The following CYBB variants were observed in gnomAD, a reference collection of about 807,000 sequenced individuals.
CYBB encodes the protein cytochrome b-245 beta chain.
Under a neutral mutation model 46.5 loss-of-function variants are expected in CYBB, and 5 were observed. The observed-to-expected ratio is 0.11, with a 90% CI of 0.06 to 0.23. CYBB has a LOEUF of 0.23. Ranked by LOEUF, CYBB falls within the 10% of genes least tolerant of loss-of-function variation. The pLI, the probability that CYBB is intolerant of heterozygous loss-of-function variation, is 1.00. For synonymous variants in CYBB, 183 were observed against 156.7 expected, an observed-to-expected ratio of 1.17 and a Z score of -1.26; for missense variants, 307 against 428.3, an observed-to-expected ratio of 0.72 and a Z score of 2.50.
Position 37,799,097 on chromosome X carries a change from C to A in CYBB, c.804+13C>A. Reference sequence around the variant, plus strand: ...AAACCCTCCTATGGTATGTACAATTCATTGTTGTTATTACAGTTTCATTAC... The same window carrying A: ...AAACCCTCCTATGGTATGTACAATTAATTGTTGTTATTACAGTTTCATTAC... On this transcript the variant is annotated intron_variant, in intron 7 of 12. Transcript: ENST00000378588. 1.7e-6 allele frequency: 2 copies of A among 1,198,772 alleles called. No individual in the cohort carries two copies. The highest frequency in any genetic ancestry group is 2.3e-4 in the Middle Eastern group (1 of 4,320).
At chrX:37,807,632 T>C (rs1186219391) in intron 11 of CYBB, among the ~76,000 whole-genome samples, 2 of 111,085 alleles carry the variant, frequency 1.8e-5, no homozygotes, top group Non-Finnish European at 3.8e-5. Flanking sequence ...AGACAGAATG[T>C]GCCAGAGCCT....
chrX:37,799,399 G>A (rs1929390515), intron 7 of CYBB, among the ~76,000 whole-genome samples: 2 of 111,600 alleles, frequency 1.8e-5, no homozygotes, highest in East Asian at 5.6e-4. Context: ...TTTTTAGGGG[G>A]ACACTTGGGA....
intron 3 of CYBB, among the ~76,000 whole-genome samples, chrX:37,789,937 A>G (rs1303457960): frequency 1.8e-5 from 2 of 111,184 alleles, no homozygotes; most frequent in East Asian, 5.7e-4. Flanking sequence ...TGCAAGCATC[A>G]TTCACTCTCT....
At position 37,810,997 on chromosome X, in the gene CYBB, C is replaced by T; in HGVS notation, c.*80C>T. ...ATGCTAATTGATAATATAAATACCC[C>T]CTGCTTAAAAATGGACAAAAAGAAA... On this transcript the variant is annotated 3_prime_UTR_variant, in exon 13 of 13. Coordinates refer to ENST00000378588, the MANE Select transcript of CYBB (RefSeq NM_000397.4). 6 of 956,595 alleles carry T rather than the reference C, an allele frequency of 6.3e-6. No homozygotes were observed. The South Asian group carries it at 1.0e-4, about 16-fold the overall frequency. 78.8% of individuals were successfully genotyped at this position (956,595 alleles called of 1,213,427 possible).
In CYBB at chrX:37,795,889, CATGTGTGT is replaced by C. The variant is rs781845273; in HGVS notation, c.484-61_484-54del. ...GAACCTATAATATTGTGCTTGCGCA[CATGTGTGT>C]GTGTGTGTGTGTGTGTGTGTGTGTG... On this transcript the variant is annotated intron_variant, in intron 5 of 12. Coordinates refer to ENST00000378588, the MANE Select transcript of CYBB (RefSeq NM_000397.4). The C allele has an allele frequency of 1.1e-4, 75 of 689,530 alleles. 1 individual carries two copies. Among genetic ancestry groups the C allele is most frequent in the African/African-American group, 6.1e-4 (25 of 41,030 alleles). 56.8% of individuals were successfully genotyped at this position (689,530 alleles called of 1,213,427 possible). A position where few individuals can be genotyped will look rare whatever the true frequency, so the allele number is the denominator to read the frequency against.
At chrX:37,782,669 T>C (rs1928975396) in intron 2 of CYBB, among the ~76,000 whole-genome samples, 1 of 112,114 alleles carries the variant, frequency 8.9e-6, no homozygotes, top group Non-Finnish European at 1.9e-5. Context: ...GCCACATCTG[T>C]TGACTAGGAC....
chrX:37,793,878 G>C (rs1556467754), intron 5 of CYBB, 68 bp downstream of exon 5: 5 of 1,035,594 alleles, frequency 4.8e-6, no homozygotes, highest in Non-Finnish European at 4.0e-6. Flanking sequence ...ATTTCAGTGA[G>C]TGAAGACCTC....
intron 10 of CYBB, 25 bp downstream of exon 10, chrX:37,805,193 GCCTTAGAGCAGTAA>G: frequency 8.3e-7 from 1 of 1,201,294 alleles, no homozygotes; most frequent in Middle Eastern, 2.3e-4. Flanking sequence ...TTATCGGAGG[GCCTTAGAGCAGTAA>G]CCATACTCTG....
At chrX:37,802,668 T>C (rs782205360) in intron 8 of CYBB, among the ~76,000 whole-genome samples, 1 of 112,457 alleles carries the variant, frequency 8.9e-6, no homozygotes, top group African/African-American at 3.2e-5. Flanking sequence ...AAGTTTGTTA[T>C]AGTTTTTATC....
chrX:37,780,216 A>T (rs1928920158), intron 1 of CYBB, 94 bp downstream of exon 1: 1 of 729,060 alleles, frequency 1.4e-6, no homozygotes, highest in Non-Finnish European at 2.1e-6. Context: ...TCATTTGAGG[A>T]ATTGTGTTGA....
chrX:37,787,790 A>G (rs1222599564), intron 3 of CYBB, among the ~76,000 whole-genome samples: 1 of 111,359 alleles, frequency 9.0e-6, no homozygotes, highest in Non-Finnish European at 1.9e-5. Context: ...CTCCTTTTTT[A>G]AGGAAGTGGT....
chrX:37,797,418 G>C (rs1556468740), intron 6 of CYBB, among the ~76,000 whole-genome samples: 3 of 111,630 alleles, frequency 2.7e-5, no homozygotes, highest in African/African-American at 9.8e-5. Context: ...CTTTGAAGCA[G>C]ACAGAGGAGA....
At chrX:37,784,663 C>T (rs782217155) in intron 3 of CYBB, among the ~76,000 whole-genome samples, 6 of 110,757 alleles carry the variant, frequency 5.4e-5, no homozygotes, top group Middle Eastern at 4.6e-3. Flanking sequence ...GGACCAATTC[C>T]GTGGTTCATT....
At position 37,805,103 on chromosome X, in the gene CYBB, G is replaced by A. The variant is rs782094658; in HGVS notation, c.1249G>A (p.Ala417Thr). The stretch of plus-strand genomic sequence containing the variant: ...AGCAGGGATTGGGGTCACACCCTTC[G>A]CATCCATTCTCAAGTCAGTCTGGTA... ...VGAGIGVTPFASILKSVWYKY... is the reference protein window; with the variant it reads ...VGAGIGVTPFTSILKSVWYKY... Residue 417 changes from alanine (A) to threonine (T), a missense_variant, in exon 10 of 13, where the codon GCA becomes ACA. This residue lies in a region of CYBB where 122 missense variants were observed against 208.3 expected (regional missense o/e 0.59). Coordinates refer to ENST00000378588, the MANE Select transcript of CYBB (RefSeq NM_000397.4). 27 of 1,209,320 alleles carry A rather than the reference G, an allele frequency of 2.2e-5. No individual in the cohort carries two copies. The highest frequency in any genetic ancestry group is 3.0e-5 in the East Asian group (1 of 33,750).
chrX:37,801,272 T>C lies in CYBB; in HGVS notation c.821T>C (p.Val274Ala), dbSNP rs1556469816. ...GNPPMTWKWI[V>A]GPMFLYLCER... ...TGATTACAGACTTGGAAATGGATAG[T>C]GGGTCCCATGTTTCTGTATCTCTGT... The change falls in exon 8 of 13, where the codon GTG becomes GCG. Residue 274 changes from valine to alanine, a missense_variant. By Grantham distance (64) the Val-to-Ala change is moderately conservative. Coordinates refer to ENST00000378588, the MANE Select transcript of CYBB (RefSeq NM_000397.4). The C allele has an allele frequency of 8.3e-7, 1 of 1,206,494 alleles. No individual in the cohort carries two copies. The highest frequency in any genetic ancestry group is 2.2e-5 in the Admixed American group (1 of 45,955).
At chrX:37,781,611 G>A (rs1438754851) in intron 1 of CYBB, among the ~76,000 whole-genome samples, 1 of 111,935 alleles carries the variant, frequency 8.9e-6, no homozygotes, top group Non-Finnish European at 1.9e-5. Context: ...GAAAATGGAA[G>A]GCTTGGCATT....
At chrX:37,792,796 C>T (rs1556467351) in intron 4 of CYBB, among the ~76,000 whole-genome samples, 1 of 110,952 alleles carries the variant, frequency 9.0e-6, no homozygotes, top group Non-Finnish European at 1.9e-5. Context: ...CTGAGTTTCT[C>T]TTCTACTAGT....
intron 1 of CYBB, 90 bp from the exon 2 acceptor site, chrX:37,781,998 G>A: frequency 1.4e-6 from 1 of 732,887 alleles, no homozygotes; most frequent in South Asian, 2.1e-5. Flanking sequence ...GTTGGACTTG[G>A]GGAAGTCCTG....
chrX:37,803,411 GA>G lies in CYBB; in HGVS notation c.898-457del, dbSNP rs782248937. 2.2e-4 allele frequency among the ~76,000 whole-genome samples: 24 copies of G among 109,122 alleles called. No individual in the cohort carries two copies. The East Asian group carries it at 4.3e-3, about 20-fold the overall frequency. 94.8% of individuals were successfully genotyped at this position (109,122 alleles called of 115,157 possible). A position where few individuals can be genotyped will look rare whatever the true frequency, so the allele number is the denominator to read the frequency against. On this transcript the variant is annotated intron_variant, in intron 8 of 12. Coordinates refer to ENST00000378588, the MANE Select transcript of CYBB (RefSeq NM_000397.4). ...TTAGCACTTTTTTGACTTCTGAGAGGAAAAAAAAATCACAATAGGCTGATTT... is the reference window on the plus strand; with the variant it reads ...TTAGCACTTTTTTGACTTCTGAGAGGAAAAAAAATCACAATAGGCTGATTT...
Sources: allele counts gnomAD v4.1 joint callset (sites outside exome capture counted in the v4.1 genomes callset), GRCh38; gene constraint gnomAD v4.1.1; regional missense constraint gnomAD v4.1.1; transcripts MANE v1.5; gene names NCBI Gene and HGNC (gene_info 2026-07-23, HGNC 2026-07-21).